TEKT4: variants seen among roughly 807,000 people sequenced by gnomAD.
The protein encoded by TEKT4 is tektin 4.
A neutral mutation model predicts 46.0 loss-of-function variants in TEKT4; 46 were observed. That is an observed-to-expected ratio of 1.00 (90% confidence interval 0.79 to 1.28). The LOEUF is 1.28. TEKT4 is among the 50% of genes most tolerant of loss of function. TEKT4 has a pLI of 0.00. For synonymous variants in TEKT4, 325 were observed against 265.8 expected (o/e 1.22, Z -2.17); for missense variants, 790 against 622.9 (o/e 1.27, Z -2.85).
intron 1 of TEKT4, chr2:94,872,823 C>G: frequency 7.8e-7 from 1 of 1,289,406 alleles, no homozygotes; most frequent in Admixed American, 2.3e-5. Flanking sequence ...GCAGGCCCTT[C>G]CCCCTGCACT....
At position 94,872,029 on chromosome 2, in the gene TEKT4, C is replaced by T. The variant is rs782446044; in HGVS notation, c.450C>T (p.Arg150=). 14 of 1,568,628 alleles carry T rather than the reference C, an allele frequency of 8.9e-6. 1 individual carries two copies. Among genetic ancestry groups the T allele is most frequent in the Middle Eastern group, 1.7e-4 (1 of 6,000 alleles). Residue 150 remains arginine, a synonymous_variant, in exon 1 of 6, where the codon CGC becomes CGT. Coordinates refer to ENST00000295201, the MANE Select transcript of TEKT4 (RefSeq NM_144705.4). ...ACAACCTGCAGTGCCGTGAGCGCCG[C>T]GAGCACCCCAACCTCGTGCGCGACC... ...TTDNLQCRER[R]EHPNLVRDHV... is the part of the protein sequence containing the mutation.
chr2:94,876,649 C>A lies in TEKT4; in HGVS notation c.1188C>A (p.Ile396=). The change falls in exon 6 of 6, where the codon ATC becomes ATA. Residue 396 remains isoleucine, a synonymous_variant. Transcript: ENST00000295201. ...AEQSLRNLED[I]HMSLEKDIAA... is the part of the protein sequence containing the mutation. ...AGTCCCTGCGCAACCTCGAGGACAT[C>A]CACATGAGCCTGGAGAAGGACATTG... 1 of 1,613,402 alleles carries A rather than the reference C, an allele frequency of 6.2e-7. No individual in the cohort carries two copies. Among genetic ancestry groups the A allele is most frequent in the Non-Finnish European group, 8.5e-7 (1 of 1,179,992 alleles).
rs782814897 is a variant in TEKT4 at position 94,873,515 on chromosome 2, C to T, written c.499-5C>T. 11 of 1,612,096 alleles carry T rather than the reference C, an allele frequency of 6.8e-6. No homozygotes were observed. In the South Asian group the frequency reaches 7.7e-5, roughly 11 times the overall value. On this transcript the variant is annotated splice_region_variant and splice_polypyrimidine_tract_variant and intron_variant, in intron 1 of 5. Coordinates refer to ENST00000295201, the MANE Select transcript of TEKT4 (RefSeq NM_144705.4). ...CTCTGGTGCTCAGGGCGTCTCCTCC[C>T]TCAGGAAGCCGAGCTCATCCGGAAC...
At position 94,872,332 on chromosome 2, in the gene TEKT4, A is replaced by ACCCTGGGCT. The variant is rs1343926249; in HGVS notation, c.498+265_498+273dup. The ACCCTGGGCT allele has an allele frequency of 2.7e-5, 15 of 565,450 alleles. 1 individual carries two copies. In the South Asian group the frequency reaches 3.4e-4, roughly 13 times the overall value. The allele number at this position is 565,450 out of a possible 1,614,324, so 35.0% of individuals were successfully genotyped here. On this transcript the variant is annotated intron_variant, in intron 1 of 5. Coordinates refer to ENST00000295201, the MANE Select transcript of TEKT4 (RefSeq NM_144705.4). ...TTTGAGTCCTGGCACAGTCATCCTG[A>ACCCTGGGCT]CCCTGGGCTCCCTGGGCTAAGCCAC...
intron 1 of TEKT4, chr2:94,873,230 G>A: frequency 7.7e-7 from 1 of 1,291,812 alleles, no homozygotes; most frequent in Non-Finnish European, 9.9e-7. Context: ...CACTGAGTGA[G>A]CAGCAGCGAT....
At chr2:94,873,419 C>A (rs1220112683) in intron 1 of TEKT4, 101 bp from the exon 2 acceptor site, 6 of 1,592,396 alleles carry the variant, frequency 3.8e-6, no homozygotes, top group Admixed American at 3.4e-5. Context: ...GCATTCAACT[C>A]CTTGTGGTTG....
chr2:94,873,223 T>C, intron 1 of TEKT4: 1 of 1,282,874 alleles, frequency 7.8e-7, no homozygotes, highest in Non-Finnish European at 1.0e-6. Context: ...CCAGGTGCAC[T>C]GAGTGAGCAG....
Position 94,871,486 on chromosome 2 carries a change from C to T in TEKT4, c.-94C>T, listed in dbSNP as rs1680553960. The T allele has an allele frequency of 7.7e-6, 11 of 1,423,090 alleles. No homozygotes were observed. Among genetic ancestry groups the T allele is most frequent in the South Asian group, 4.4e-5 (3 of 67,558 alleles). The allele number at this position is 1,423,090 out of a possible 1,614,324, so 88.2% of individuals were successfully genotyped here. A position where few individuals can be genotyped will look rare whatever the true frequency, so the allele number is the denominator to read the frequency against. ...GCCGCGTCCTGCTCTGGGACTGAGC[C>T]GTTGGAGCTGCCCCGCTGACCGCAC... On this transcript the variant is annotated 5_prime_UTR_variant, in exon 1 of 6. Coordinates refer to ENST00000295201, the MANE Select transcript of TEKT4 (RefSeq NM_144705.4).
chr2:94,872,721 C>A (rs1680632333), intron 1 of TEKT4: 5 of 867,274 alleles, frequency 5.8e-6, no homozygotes, highest in Admixed American at 5.1e-5. Context: ...GGGGTGGGGG[C>A]AGCTGGTCTC....
chr2:94,872,018 CG>C lies in TEKT4; in HGVS notation c.440del (p.Arg147LeufsTer19). Reference protein sequence around the residue: ...FSITTDNLQCRERREHPNLVR... With the variant: ...FSITTDNLQCXERREHPNLVR... ...CATCACCACTGACAACCTGCAGTGCCGTGAGCGCCGCGAGCACCCCAACCTC... is the reference window on the plus strand; with the variant it reads ...CATCACCACTGACAACCTGCAGTGCCTGAGCGCCGCGAGCACCCCAACCTC... On this transcript the variant is annotated frameshift_variant, in exon 1 of 6. Transcript: ENST00000295201. LOFTEE classifies it high-confidence loss of function. 1 of 1,579,190 alleles carries C rather than the reference CG, an allele frequency of 6.3e-7. No homozygotes were observed. The highest frequency in any genetic ancestry group is 1.3e-5 in the African/African-American group (1 of 74,264).
chr2:94,873,100 T>C, intron 1 of TEKT4: 1 of 1,243,000 alleles, frequency 8.0e-7, no homozygotes, highest in Non-Finnish European at 1.0e-6. Flanking sequence ...GTTCTTGGTG[T>C]GAAGATGGCC....
chr2:94,875,928 G>A (rs879978264), intron 5 of TEKT4, among the ~76,000 whole-genome samples, 186 bp downstream of exon 5: 2 of 152,204 alleles, frequency 1.3e-5, no homozygotes, highest in Non-Finnish European at 2.9e-5. Context: ...CATGACACTG[G>A]GCAGGTCATG....
In TEKT4 at chr2:94,871,559, C is replaced by T; in HGVS notation, c.-21C>T. 6 of 1,572,468 alleles carry T rather than the reference C, an allele frequency of 3.8e-6. No individual in the cohort carries two copies. Among genetic ancestry groups the T allele is most frequent in the African/African-American group, 1.3e-5 (1 of 74,398 alleles). Reference sequence around the variant, plus strand: ...CCACACACAGTCCTCACTCCCCTGGCCCTGGTGGGCGGCAGGCACCATGGC... The same window carrying T: ...CCACACACAGTCCTCACTCCCCTGGTCCTGGTGGGCGGCAGGCACCATGGC... On this transcript the variant is annotated 5_prime_UTR_variant, in exon 1 of 6. Coordinates refer to ENST00000295201, the MANE Select transcript of TEKT4 (RefSeq NM_144705.4).
intron 1 of TEKT4, 149 bp downstream of exon 1, chr2:94,872,226 C>T (rs1553394886): frequency 1.9e-6 from 2 of 1,063,496 alleles, no homozygotes; most frequent in Non-Finnish European, 2.6e-6. Context: ...CGAAATCTGG[C>T]CCCTTAGTGA....
In TEKT4 at chr2:94,876,731, C is replaced by T. The variant is rs1052809; in HGVS notation, c.1270C>T (p.Arg424Cys). The change falls in exon 6 of 6, where the codon CGC becomes TGC. Residue 424 changes from arginine to cysteine, a missense_variant. Physicochemically the swap from Arg to Cys is radical, Grantham distance 180. Transcript: ENST00000295201. ...CCAGAAGTGCATGGCCCATCGTACT[C>T]GCTACCCCACCATCCTGCAGCTGGC... ...DRQKCMAHRT[R>C]YPTILQLAGY... 34 of 1,608,734 alleles carry T rather than the reference C, an allele frequency of 2.1e-5. No individual in the cohort carries two copies. The highest frequency in any genetic ancestry group is 1.6e-4 in the Middle Eastern group (1 of 6,076).
rs781885603 is a variant in TEKT4 at position 94,876,755 on chromosome 2, G to A, written c.1294G>A (p.Ala432Thr). Residue 432 changes from alanine (A) to threonine (T), a missense_variant, in exon 6 of 6, where the codon GCT (alanine) becomes ACT (threonine). Ala to Thr is a moderately conservative substitution (Grantham distance 58). Coordinates refer to ENST00000295201, the MANE Select transcript of TEKT4 (RefSeq NM_144705.4). ...RTRYPTILQL[A>T]GYQ is the part of the protein sequence containing the mutation. ...TCGCTACCCCACCATCCTGCAGCTG[G>A]CTGGCTACCAGTGAGCAGCGGCACG... The A allele has an allele frequency of 2.5e-6, 4 of 1,607,350 alleles. No individual in the cohort carries two copies. Among genetic ancestry groups the A allele is most frequent in the Non-Finnish European group, 3.4e-6 (4 of 1,179,922 alleles).
chr2:94,872,169 G>A lies in TEKT4; in HGVS notation c.498+92G>A. 7.6e-6 allele frequency: 11 copies of A among 1,437,974 alleles called. 1 individual carries two copies. Among genetic ancestry groups the A allele is most frequent in the Non-Finnish European group, 1.0e-5 (11 of 1,092,640 alleles). The allele number at this position is 1,437,974 out of a possible 1,614,324, so 89.1% of individuals were successfully genotyped here. The stretch of plus-strand genomic sequence containing the variant: ...CATGTGGACAAGCCACGTGGCTGCT[G>A]CAAGCACGCGGGAGCCCAGCCCTCT... On this transcript the variant is annotated intron_variant, in intron 1 of 5. Coordinates refer to ENST00000295201, the MANE Select transcript of TEKT4 (RefSeq NM_144705.4).
chr2:94,871,765 G>C lies in TEKT4; in HGVS notation c.186G>C (p.Ser62=). 1 of 1,612,460 alleles carries C rather than the reference G, an allele frequency of 6.2e-7. No homozygotes were observed. The highest frequency in any genetic ancestry group is 1.3e-5 in the African/African-American group (1 of 75,044). The stretch of plus-strand genomic sequence containing the variant: ...AGGCCTTCGCCGACCGCGACCAGTC[G>C]GAGCGGCAGCGGCACGAGAGCCAGC... ...YHQAFADRDQ[S]ERQRHESQQL... Residue 62 remains serine, a synonymous_variant, in exon 1 of 6, where the codon TCG becomes TCC. Transcript: ENST00000295201.
chr2:94,871,927 C>T lies in TEKT4; in HGVS notation c.348C>T (p.Thr116=). 1 of 1,599,122 alleles carries T rather than the reference C, an allele frequency of 6.3e-7. No individual in the cohort carries two copies. ...QREMEALAAE[T]NLLLAQKQRL... Reference sequence around the variant, plus strand: ...AGATGGAGGCGCTGGCTGCGGAGACCAACTTGCTCCTGGCCCAGAAGCAAC... The same window carrying T: ...AGATGGAGGCGCTGGCTGCGGAGACTAACTTGCTCCTGGCCCAGAAGCAAC... Residue 116 remains threonine (T), a synonymous_variant, in exon 1 of 6, where the codon ACC becomes ACT. Coordinates refer to ENST00000295201, the MANE Select transcript of TEKT4 (RefSeq NM_144705.4).
Sources: gnomAD v4.1 joint callset for allele counts (sites outside exome capture counted in the v4.1 genomes callset) on GRCh38, gnomAD v4.1.1 for gene constraint, MANE v1.5 for transcripts, NCBI Gene and HGNC (gene_info 2026-07-23, HGNC 2026-07-21) for gene names.